The following SLC22A4 variants were observed in gnomAD, a reference collection of about 807,000 sequenced individuals.
SLC22A4 encodes the protein ET transporter.
A neutral mutation model predicts 56.6 loss-of-function variants in SLC22A4; 39 were observed. The ratio of observed to expected loss-of-function variants is 0.69; its 90% CI spans 0.53 to 0.90. The LOEUF is 0.90. Ranked by LOEUF, SLC22A4 falls within the 40% of genes least tolerant of loss-of-function variation. The pLI is 0.00. For missense variants in SLC22A4, 594 were observed against 696.5 expected (o/e 0.85, Z 1.66); for synonymous variants, 241 against 281.4 (o/e 0.86, Z 1.44).
rs1399258798 is a variant in SLC22A4 at position 132,294,832 on chromosome 5, G to A, written c.216G>A (p.Arg72=). The change falls in exon 1 of 10, where the codon CGG becomes CGA. Residue 72 remains arginine, a synonymous_variant. Transcript: ENST00000200652. The surrounding 1 kb of genome is among the most constrained non-coding windows in gnomAD (Gnocchi z 5.6). ...WRNNSVPLRL[R]DGREVPHSCS... is the part of the protein sequence containing the mutation. ...ACAACAGTGTCCCGCTGCGGCTGCG[G>A]GACGGCCGCGAGGTGCCCCACAGCT... is the stretch of plus-strand genomic sequence containing the variant. 1 of 1,610,424 alleles carries A rather than the reference G, an allele frequency of 6.2e-7. No individual in the cohort carries two copies. Among genetic ancestry groups the A allele is most frequent in the South Asian group, 1.1e-5 (1 of 90,956 alleles).
chr5:132,294,531 C>A lies in SLC22A4; in HGVS notation c.-86C>A, dbSNP rs558744755. On this transcript the variant is annotated 5_prime_UTR_variant, in exon 1 of 10. Transcript: ENST00000200652. This position sits in a 1 kb window ranked among gnomAD's most constrained non-coding sequence, Gnocchi z 5.6. ...TGTCCCCCGGGAACGTTCTAACATCCTTGGGGAGCGCCCCAGCTACAAGAC... is the reference window on the plus strand; with the variant it reads ...TGTCCCCCGGGAACGTTCTAACATCATTGGGGAGCGCCCCAGCTACAAGAC... 6.3e-7 allele frequency: 1 copy of A among 1,592,900 alleles called. No individual in the cohort carries two copies.
chr5:132,329,014 C>G (rs569497330), intron 5 of SLC22A4, among the ~76,000 whole-genome samples: 1 of 151,728 alleles, frequency 6.6e-6, no homozygotes, highest in South Asian at 2.1e-4. Flanking sequence ...CTCAATGTAG[C>G]CTCGACCTCG....
At chr5:132,302,705 C>T (rs2126701728) in intron 1 of SLC22A4, among the ~76,000 whole-genome samples, 1 of 152,312 alleles carries the variant, frequency 6.6e-6, no homozygotes, top group Admixed American at 6.5e-5. Flanking sequence ...GCTCATGTTC[C>T]CCTAATACAG....
At chr5:132,314,741 T>C (rs1750287025) in intron 3 of SLC22A4, among the ~76,000 whole-genome samples, 1 of 152,254 alleles carries the variant, frequency 6.6e-6, no homozygotes, top group Non-Finnish European at 1.5e-5. Flanking sequence ...TTGGAGATGC[T>C]GCACTGTCTT....
intron 5 of SLC22A4, among the ~76,000 whole-genome samples, chr5:132,331,445 G>A (rs894903962): frequency 5.3e-5 from 8 of 152,188 alleles, no homozygotes; most frequent in African/African-American, 1.7e-4. Flanking sequence ...AGATCAGTGT[G>A]GTAAATGACA....
chr5:132,313,856 C>A, intron 3 of SLC22A4, 88 bp downstream of exon 3: 1 of 1,353,074 alleles, frequency 7.4e-7, no homozygotes, highest in Non-Finnish European at 1.1e-6. Context: ...TTGGGCTGTG[C>A]TTCCAAAGCC....
chr5:132,331,835 T>C lies in SLC22A4; in HGVS notation c.1031T>C (p.Met344Thr). The C allele has an allele frequency of 6.2e-7, 1 of 1,607,518 alleles. No individual in the cohort carries two copies. The highest frequency in any genetic ancestry group is 8.5e-7 in the Non-Finnish European group (1 of 1,173,900). The change falls in exon 6 of 10, where the codon ATG (methionine) becomes ACG (threonine). Residue 344 changes from methionine (M) to threonine (T), a missense_variant. Physicochemically the swap from Met to Thr is moderately conservative, Grantham distance 81. Transcript: ENST00000200652. ...RTRNIAIMTI[M>T]SLLLWMLTSV... ...CGGAATATTGCCATAATGACCATTA[T>C]GTCTTTGCTGCTATGGTAAGTAATA...
intron 4 of SLC22A4, among the ~76,000 whole-genome samples, chr5:132,324,235 G>GAGAAAA (rs1554083108): frequency 1.4e-5 from 1 of 69,388 alleles, no homozygotes; most frequent in African/African-American, 7.7e-5. Context: ...GATTCTATCA[G>GAGAAAA]AGAGAAAGAG....
intron 6 of SLC22A4, chr5:132,332,369 G>A: frequency 6.3e-6 from 1 of 158,656 alleles, no homozygotes; most frequent in Admixed American, 5.9e-5. Context: ...GGACCCAAAG[G>A]GAAAGCATTC....
At chr5:132,318,588 G>A (rs1443593391) in intron 3 of SLC22A4, among the ~76,000 whole-genome samples, 1 of 152,078 alleles carries the variant, frequency 6.6e-6, no homozygotes, top group Non-Finnish European at 1.5e-5. Context: ...TGGGCCCAGC[G>A]GTTCCTGGGG....
At chr5:132,337,072 C>CTA (rs1561548297) in intron 8 of SLC22A4, among the ~76,000 whole-genome samples, 1 of 151,408 alleles carries the variant, frequency 6.6e-6, no homozygotes, top group African/African-American at 2.4e-5. Context: ...TCCTATGCTC[C>CTA]TACACCCTTT....
chr5:132,306,421 ATATATATATATATATATATATAGTT>A (rs1241805185), intron 1 of SLC22A4, among the ~76,000 whole-genome samples: 19 of 74,302 alleles, frequency 2.6e-4, no homozygotes, highest in African/African-American at 1.1e-3. Flanking sequence ...ATATATATAT[ATATATATATATATATATATATAGTT>A]GTTGTTGTTG....
chr5:132,312,187 G>T lies in SLC22A4; in HGVS notation c.420G>T (p.Trp140Cys). ...GGAATCTGGTGTGTGAGGACAACTGGAAGGTGCCCCTCACCACCTCCCTGT... is the reference window on the plus strand; with the variant it reads ...GGAATCTGGTGTGTGAGGACAACTGTAAGGTGCCCCTCACCACCTCCCTGT... ...TEWNLVCEDN[W>C]KVPLTTSLFF... Residue 140 changes from tryptophan (W) to cysteine (C), a missense_variant, in exon 2 of 10, where the codon TGG (tryptophan) becomes TGT (cysteine). Transcript: ENST00000200652. 6.2e-7 allele frequency: 1 copy of T among 1,612,708 alleles called. No homozygotes were observed. The highest frequency in any genetic ancestry group is 2.2e-5 in the East Asian group (1 of 44,878).
chr5:132,302,880 T>C (rs776628146), intron 1 of SLC22A4, among the ~76,000 whole-genome samples: 26 of 152,320 alleles, frequency 1.7e-4, no homozygotes, highest in Admixed American at 3.3e-4. Flanking sequence ...ACAGAACTCA[T>C]CAGTGAGGCT....
intron 3 of SLC22A4, chr5:132,321,115 G>C (rs1020885779): frequency 2.0e-5 from 3 of 152,498 alleles, no homozygotes; most frequent in Admixed American, 6.5e-5. Context: ...GCACCAAGCA[G>C]TCATGGGCCT....
chr5:132,336,127 TC>T, intron 8 of SLC22A4, 127 bp downstream of exon 8: 1 of 941,240 alleles, frequency 1.1e-6, no homozygotes, highest in Non-Finnish European at 1.7e-6. Context: ...ACCTCTCCTC[TC>T]CCAGGAGGAG....
intron 3 of SLC22A4, among the ~76,000 whole-genome samples, chr5:132,316,942 G>C (rs887328208): frequency 6.6e-6 from 1 of 152,216 alleles, no homozygotes; most frequent in East Asian, 1.9e-4. Context: ...GTGGAGGGTA[G>C]AAGTCCAAGA....
chr5:132,306,420 TATATATATATATATATATATATAG>T (rs1750037707), intron 1 of SLC22A4, among the ~76,000 whole-genome samples: 1 of 79,540 alleles, frequency 1.3e-5, no homozygotes, highest in Non-Finnish European at 2.5e-5. Flanking sequence ...TATATATATA[TATATATATATATATATATATATAG>T]TTGTTGTTGT....
At chr5:132,301,084 G>C (rs1378540950) in intron 1 of SLC22A4, among the ~76,000 whole-genome samples, 2 of 152,258 alleles carry the variant, frequency 1.3e-5, no homozygotes, top group Admixed American at 1.3e-4. Flanking sequence ...CAAATGCTCT[G>C]CTCTGGAGAG....
Sources: gnomAD v4.1 joint callset for allele counts (sites outside exome capture counted in the v4.1 genomes callset) on GRCh38, gnomAD v4.1.1 for gene constraint, Gnocchi (gnomAD v3.1) non-coding constraint, MANE v1.5 for transcripts, NCBI Gene and HGNC (gene_info 2026-07-23, HGNC 2026-07-21) for gene names.